EGFL6: variants seen among roughly 807,000 people sequenced by gnomAD.
EGFL6 encodes epidermal growth factor-like protein 6.
EGFL6 carries 42 observed loss-of-function variants against 43.1 expected under a neutral mutation model. The ratio of observed to expected loss-of-function variants is 0.98; its 90% CI spans 0.76 to 1.26. EGFL6 has a LOEUF of 1.26. EGFL6 is among the 50% of genes most tolerant of loss of function. EGFL6 has a pLI of 0.00. For synonymous variants in EGFL6, 164 were observed against 163.2 expected (o/e 1.01, Z -0.04); for missense variants, 429 against 427.8 (o/e 1.00, Z -0.02).
chrX:13,586,115 T>C (rs916481942), intron 1 of EGFL6, among the ~76,000 whole-genome samples: 7 of 111,983 alleles, frequency 6.3e-5, no homozygotes, highest in African/African-American at 2.3e-4. Flanking sequence ...GAATAGACAT[T>C]TATCCAAAGA....
At chrX:13,591,127 A>C (rs1413184702) in intron 2 of EGFL6, among the ~76,000 whole-genome samples, 1 of 112,186 alleles carries the variant, frequency 8.9e-6, no homozygotes, top group Non-Finnish European at 1.9e-5. Context: ...AGGACCAATA[A>C]TTCTCATCAC....
At chrX:13,611,455 C>T (rs1169686009) in intron 7 of EGFL6, among the ~76,000 whole-genome samples, 1 of 111,985 alleles carries the variant, frequency 8.9e-6, no homozygotes, top group Admixed American at 9.5e-5. Context: ...GCAACTCACC[C>T]CCACATACTC....
At chrX:13,585,132 T>C (rs1165439447) in intron 1 of EGFL6, among the ~76,000 whole-genome samples, 1 of 112,017 alleles carries the variant, frequency 8.9e-6, no homozygotes, top group East Asian at 2.8e-4. Flanking sequence ...CAAGACCCTC[T>C]GTGATGTAGC....
At chrX:13,614,929 G>A (rs1272885640) in intron 7 of EGFL6, among the ~76,000 whole-genome samples, 1 of 111,014 alleles carries the variant, frequency 9.0e-6, no homozygotes, top group African/African-American at 3.3e-5. Flanking sequence ...TGTATTTTTA[G>A]TAGAGACGGT....
Position 13,576,988 on chromosome X carries a change from G to GA in EGFL6, c.74+7062dup, listed in dbSNP as rs1200347214. Among the ~76,000 whole-genome samples, 11 of 108,809 alleles carry GA rather than the reference G, an allele frequency of 1.0e-4. No individual in the cohort carries two copies. In the South Asian group the frequency reaches 1.9e-3, roughly 19 times the overall value. 94.5% of individuals were successfully genotyped at this position (108,809 alleles called of 115,157 possible). ...TTTTCAATGTGAAGGTCTTGTTTATGAAAAAAAAATATAAAAAGTGTTAAA... is the reference window on the plus strand; with the variant it reads ...TTTTCAATGTGAAGGTCTTGTTTATGAAAAAAAAAATATAAAAAGTGTTAAA... On this transcript the variant is annotated intron_variant, in intron 1 of 11. Transcript: ENST00000361306.
rs146040768 is a variant in EGFL6 at position 13,584,607 on chromosome X, A to G, written c.75-4949A>G. On this transcript the variant is annotated intron_variant, in intron 1 of 11. Coordinates refer to ENST00000361306, the MANE Select transcript of EGFL6 (RefSeq NM_015507.4). The stretch of plus-strand genomic sequence containing the variant: ...ATGTGCCAAAGAGAATTCATCATCT[A>G]TCCTATTCCCTAACGTGTTCCTCCA... Among the ~76,000 whole-genome samples the G allele has an allele frequency of 2.1e-3, 237 of 111,825 alleles. 6 individuals carry two copies. The East Asian group carries it at 0.06, about 28-fold the overall frequency.
chrX:13,627,391 T>C, intron 11 of EGFL6, 115 bp downstream of exon 11: 1 of 950,994 alleles, frequency 1.1e-6, no homozygotes, highest in African/African-American at 2.0e-5. Flanking sequence ...CGATAAGACT[T>C]TTTCCCTACA....
chrX:13,606,035 G>A (rs2045658349), intron 5 of EGFL6, among the ~76,000 whole-genome samples: 1 of 111,996 alleles, frequency 8.9e-6, no homozygotes, highest in African/African-American at 3.2e-5. Flanking sequence ...CACTCAGCTG[G>A]AGAAAATATT....
At chrX:13,612,512 C>A (rs1462424367) in intron 7 of EGFL6, among the ~76,000 whole-genome samples, 3 of 110,112 alleles carry the variant, frequency 2.7e-5, no homozygotes, top group African/African-American at 9.9e-5. Context: ...CTTTTCTATT[C>A]GACAAAACCG....
chrX:13,607,629 G>C (rs1049046693), intron 6 of EGFL6, among the ~76,000 whole-genome samples: 2 of 112,292 alleles, frequency 1.8e-5, no homozygotes, highest in Non-Finnish European at 1.9e-5. Flanking sequence ...CCACAGAACA[G>C]GGTGGAATTC....
At chrX:13,623,499 G>A (rs751161563) in intron 9 of EGFL6, among the ~76,000 whole-genome samples, 237 of 102,014 alleles carry the variant, frequency 2.3e-3, no homozygotes, top group Non-Finnish European at 3.9e-3. Context: ...TCAGCCTCCC[G>A]AGTAGCTGGG....
chrX:13,574,856 A>T (rs1474387854), intron 1 of EGFL6: 2 of 121,627 alleles, frequency 1.6e-5, no homozygotes, highest in African/African-American at 6.4e-5. Context: ...TGAAACTGTC[A>T]TCCTTGCCAA....
intron 7 of EGFL6, among the ~76,000 whole-genome samples, chrX:13,609,090 C>T (rs1481211431): frequency 8.9e-6 from 1 of 112,392 alleles, no homozygotes. Flanking sequence ...ACTACAGCAA[C>T]AATAAAGGTT....
intron 2 of EGFL6, among the ~76,000 whole-genome samples, chrX:13,590,600 G>T (rs1045839601): frequency 8.9e-6 from 1 of 111,988 alleles, no homozygotes; most frequent in Non-Finnish European, 1.9e-5. Flanking sequence ...CTTTTTGCTA[G>T]TCTGTTCCTG....
At chrX:13,576,701 A>G (rs1208045044) in intron 1 of EGFL6, among the ~76,000 whole-genome samples, 1 of 111,998 alleles carries the variant, frequency 8.9e-6, no homozygotes, top group Non-Finnish European at 1.9e-5. Context: ...TTGAGGTCCC[A>G]CTGGCAATGT....
intron 2 of EGFL6, among the ~76,000 whole-genome samples, chrX:13,594,218 C>T (rs1282035297): frequency 8.9e-6 from 1 of 112,188 alleles, no homozygotes; most frequent in African/African-American, 3.2e-5. Flanking sequence ...CATCCTACCC[C>T]TGTTGTTTTT....
chrX:13,628,194 C>A (rs1236834481), intron 11 of EGFL6, among the ~76,000 whole-genome samples: 2 of 111,157 alleles, frequency 1.8e-5, no homozygotes, highest in Non-Finnish European at 3.8e-5. Flanking sequence ...TCCTAAGAAC[C>A]AGTCAAGGGC....
intron 7 of EGFL6, 36 bp from the exon 8 acceptor site, chrX:13,617,694 T>C: frequency 9.1e-7 from 1 of 1,101,130 alleles, no homozygotes. Flanking sequence ...TTAATTATCT[T>C]CCAATTTGGA....
chrX:13,588,616 C>T (rs188168199), intron 1 of EGFL6, among the ~76,000 whole-genome samples: 1,200 of 110,888 alleles, frequency 0.011, 15 homozygotes, highest in African/African-American at 0.037. Context: ...CTTTTTCAGG[C>T]ATCTAGATCA....
Sources: gnomAD v4.1 joint callset for allele counts (sites outside exome capture counted in the v4.1 genomes callset) on GRCh38, gnomAD v4.1.1 for gene constraint, MANE v1.5 for transcripts, NCBI Gene and HGNC (gene_info 2026-07-23, HGNC 2026-07-21) for gene names.